Variants in DYNC1H1 observed in about 807,000 individuals in gnomAD.
DYNC1H1 encodes the protein cytoplasmic dynein 1 heavy chain 1.
In DYNC1H1, 51 loss-of-function variants were observed where a neutral mutation model predicts 527.1. The observed-to-expected ratio is 0.10, with a 90% CI of 0.08 to 0.12. DYNC1H1 has a LOEUF of 0.12. Ranked by LOEUF, DYNC1H1 falls within the 10% of genes least tolerant of loss-of-function variation. The pLI is 1.00. For missense variants in DYNC1H1, 2,771 were observed against 5,971.8 expected (o/e 0.46, Z 17.66); for synonymous variants, 2,189 against 2,278.8 (o/e 0.96, Z 1.12).
Position 102,048,611 on chromosome 14 carries a change from C to G in DYNC1H1, c.13314C>G (p.Cys4438Trp), listed in dbSNP as rs750291750. The G allele has an allele frequency of 6.2e-7, 1 of 1,614,110 alleles. No homozygotes were observed. The change falls in exon 74 of 78, where the codon TGC (cysteine) becomes TGG (tryptophan). Residue 4438 changes from cysteine to tryptophan, a missense_variant. Cys to Trp is a radical substitution (Grantham distance 215, BLOSUM62 -2). Around this residue, in one of 32 missense-constraint regions of DYNC1H1, gnomAD observed 170 missense variants for 249.8 expected, o/e 0.68. Coordinates refer to ENST00000360184, the MANE Select transcript of DYNC1H1 (RefSeq NM_001376.5). Reference sequence around the variant, plus strand: ...ACCTTGCAGATGTCGTCCAGGTGTGCGAAGGAAAGAAGAAGCAGACCAACT... The same window carrying G: ...ACCTTGCAGATGTCGTCCAGGTGTGGGAAGGAAAGAAGAAGCAGACCAACT... The part of the protein sequence containing the change: ...RQDLADVVQV[C>W]EGKKKQTNYL...
At position 102,005,557 on chromosome 14, in the gene DYNC1H1, G is replaced by A. The variant is rs918001947; in HGVS notation, c.5433+321G>A. 1.2e-4 allele frequency among the ~76,000 whole-genome samples: 19 copies of A among 152,212 alleles called. No individual in the cohort carries two copies. The highest frequency in any genetic ancestry group is 4.6e-4 in the African/African-American group (19 of 41,450). On this transcript the variant is annotated intron_variant, in intron 26 of 77. Transcript: ENST00000360184. This position sits in a 1 kb window ranked among gnomAD's most constrained non-coding sequence, Gnocchi z 4.0. ...GCACGGCACGGGCAGTGCTTGCTGCGAGCCCCATGGCGGCACGTGGCAGAC... is the reference window on the plus strand; with the variant it reads ...GCACGGCACGGGCAGTGCTTGCTGCAAGCCCCATGGCGGCACGTGGCAGAC...
rs2047892773 is a variant in DYNC1H1 at position 101,983,606 on chromosome 14, A to G, written c.1458A>G (p.Pro486=). 6.2e-7 allele frequency: 1 copy of G among 1,613,918 alleles called. No homozygotes were observed. Among genetic ancestry groups the G allele is most frequent in the Non-Finnish European group, 8.5e-7 (1 of 1,179,914 alleles). ...LRAVIVRVLR[P]QVTAVAQQNQ... ...CTGTTATCGTCAGGGTCCTGAGGCCACAGGTAAGATTTGCATTCTAAAAGT... is the reference window on the plus strand; with the variant it reads ...CTGTTATCGTCAGGGTCCTGAGGCCGCAGGTAAGATTTGCATTCTAAAAGT... Residue 486 remains proline (P), a synonymous_variant, in exon 7 of 78, where the codon CCA becomes CCG. Transcript: ENST00000360184. The surrounding 1 kb of genome is among the most constrained non-coding windows in gnomAD (Gnocchi z 5.3).
intron 15 of DYNC1H1, 137 bp from the exon 16 acceptor site, chr14:101,996,898 C>T (rs931060164): frequency 1.1e-5 from 14 of 1,285,580 alleles, no homozygotes; most frequent in Admixed American, 4.6e-5. Context: ...GCTGGGATTA[C>T]AGGCAAGAAC....
In DYNC1H1 at chr14:101,973,568, G is replaced by A. The variant is rs1402113916; in HGVS notation, c.257-2144G>A. On this transcript the variant is annotated intron_variant, in intron 1 of 77. Transcript: ENST00000360184. ...TGACTCATGCCTGTAGTGCCAGGCC[G>A]AGGCATGAGGATCTCTTGAGCCCCA... Among the ~76,000 whole-genome samples the A allele has an allele frequency of 3.9e-5, 6 of 152,238 alleles. No individual in the cohort carries two copies. In the Middle Eastern group the frequency reaches 0.017, roughly 432 times the overall value.
chr14:102,007,314 A>G (rs779097846), intron 28 of DYNC1H1, among the ~76,000 whole-genome samples: 3 of 152,176 alleles, frequency 2.0e-5, no homozygotes, highest in Non-Finnish European at 4.4e-5. Context: ...CTTCAGTTTC[A>G]TGTTTTCAAA....
At position 102,010,318 on chromosome 14, in the gene DYNC1H1, C is replaced by T. The variant is rs778348555; in HGVS notation, c.6264C>T (p.Phe2088=). 1.2e-5 allele frequency: 19 copies of T among 1,613,824 alleles called. No homozygotes were observed. The highest frequency in any genetic ancestry group is 6.7e-5 in the Admixed American group (4 of 59,980). The change falls in exon 31 of 78, where the codon TTC becomes TTT. Residue 2088 remains phenylalanine, a synonymous_variant. Coordinates refer to ENST00000360184, the MANE Select transcript of DYNC1H1 (RefSeq NM_001376.5). The surrounding 1 kb of genome is among the most constrained non-coding windows in gnomAD (Gnocchi z 6.0). ...EQLSSQSHYD[F]GLRALKSVLV... is the part of the protein sequence containing the mutation. ...TCTCTTCCCAAAGCCATTATGACTT[C>T]GGTCTTCGGGCTTTGAAGAGTGTGC...
In DYNC1H1 at chr14:101,983,171, T is replaced by C; in HGVS notation, c.1114T>C (p.Tyr372His). 6.2e-7 allele frequency: 1 copy of C among 1,614,122 alleles called. No homozygotes were observed. Among genetic ancestry groups the C allele is most frequent in the Non-Finnish European group, 8.5e-7 (1 of 1,180,016 alleles). Residue 372 changes from tyrosine (Y) to histidine (H), a missense_variant, in exon 6 of 78, where the codon TAT becomes CAT. By Grantham distance (83) the Tyr-to-His change is moderately conservative. Coordinates refer to ENST00000360184, the MANE Select transcript of DYNC1H1 (RefSeq NM_001376.5). The surrounding 1 kb of genome is among the most constrained non-coding windows in gnomAD (Gnocchi z 5.3). ...THLRKIRNTK[Y>H]PIQRALRLVE... Reference sequence around the variant, plus strand: ...TTTGAGAAAGATCCGAAACACAAAATATCCTATTCAGAGGGCACTGCGTTT... The same window carrying C: ...TTTGAGAAAGATCCGAAACACAAAACATCCTATTCAGAGGGCACTGCGTTT...
chr14:102,033,941 T>C lies in DYNC1H1; in HGVS notation c.10414-35T>C. ...GATTCGGTATAAATCCTGAAAGGCC[T>C]CATCCCTGAGCATCTTGTTCGGTTT... On this transcript the variant is annotated intron_variant, in intron 54 of 77. Transcript: ENST00000360184. The surrounding 1 kb of genome is among the most constrained non-coding windows in gnomAD (Gnocchi z 5.6). The C allele has an allele frequency of 6.2e-7, 1 of 1,610,038 alleles. No individual in the cohort carries two copies. The highest frequency in any genetic ancestry group is 8.5e-7 in the Non-Finnish European group (1 of 1,177,350).
intron 1 of DYNC1H1, among the ~76,000 whole-genome samples, chr14:101,966,881 G>T (rs2047674083): frequency 6.6e-6 from 1 of 152,104 alleles, no homozygotes; most frequent in African/African-American, 2.4e-5. Flanking sequence ...TCTCTCTGTT[G>T]TCTTATGAGT....
chr14:101,996,810 A>G (rs1351497549), intron 15 of DYNC1H1, among the ~76,000 whole-genome samples: 1 of 151,784 alleles, frequency 6.6e-6, no homozygotes, highest in Non-Finnish European at 1.5e-5. Flanking sequence ...TTAAGTAGAG[A>G]TGAAGTCCTG....
In DYNC1H1 at chr14:101,997,946, C is replaced by T. The variant is rs558957706; in HGVS notation, c.3804+672C>T. 2.6e-5 allele frequency among the ~76,000 whole-genome samples: 4 copies of T among 152,300 alleles called. No individual in the cohort carries two copies. The South Asian group carries it at 8.3e-4, about 32-fold the overall frequency. ...AGAAGCAGATGAGAGGGCGCTGGCTCAGTGGCTACTGCTGTGCCTGGGAGG... is the reference window on the plus strand; with the variant it reads ...AGAAGCAGATGAGAGGGCGCTGGCTTAGTGGCTACTGCTGTGCCTGGGAGG... On this transcript the variant is annotated intron_variant, in intron 16 of 77. Coordinates refer to ENST00000360184, the MANE Select transcript of DYNC1H1 (RefSeq NM_001376.5). This position sits in a 1 kb window ranked among gnomAD's most constrained non-coding sequence, Gnocchi z 4.8.
Position 102,049,127 on chromosome 14 carries a change from G to A in DYNC1H1, c.13373-313G>A, listed in dbSNP as rs1300397775. 2.2e-5 allele frequency: 10 copies of A among 462,018 alleles called. No homozygotes were observed. Among genetic ancestry groups the A allele is most frequent in the South Asian group, 6.2e-5 (3 of 48,386 alleles). 28.6% of individuals were successfully genotyped at this position (462,018 alleles called of 1,614,324 possible). ...AAGCCCTAATTGCCAGGAACACTGA[G>A]CCACTTGTGTGACATGAGGTTTTAG... On this transcript the variant is annotated intron_variant, in intron 74 of 77. Coordinates refer to ENST00000360184, the MANE Select transcript of DYNC1H1 (RefSeq NM_001376.5). The surrounding 1 kb of genome is among the most constrained non-coding windows in gnomAD (Gnocchi z 5.5).
rs1220348087 is a variant in DYNC1H1 at position 101,979,024 on chromosome 14, CATT to C, written c.345-293_345-291del. 6.6e-6 allele frequency among the ~76,000 whole-genome samples: 1 copy of C among 152,192 alleles called. No homozygotes were observed. Among genetic ancestry groups the C allele is most frequent in the African/African-American group, 2.4e-5 (1 of 41,446 alleles). On this transcript the variant is annotated intron_variant, in intron 2 of 77. Transcript: ENST00000360184. The surrounding 1 kb of genome is among the most constrained non-coding windows in gnomAD (Gnocchi z 4.6). ...CTTAGTACAGTAAATAAATGTTACA[CATT>C]AGTGTAAGATCAGATTTAAGTACTA...
intron 2 of DYNC1H1, 109 bp downstream of exon 2, chr14:101,975,908 AT>A: frequency 2.1e-6 from 2 of 939,812 alleles, no homozygotes; most frequent in Non-Finnish European, 3.2e-6. Context: ...ATTAATATAA[AT>A]CTTTTTTTTT....
chr14:102,022,577 C>T (rs993428894), intron 42 of DYNC1H1, among the ~76,000 whole-genome samples, 174 bp from the exon 43 acceptor site: 2 of 152,008 alleles, frequency 1.3e-5, no homozygotes, highest in African/African-American at 4.8e-5. Context: ...TTCAGGTTGC[C>T]TAAGCTGTCA....
At chr14:102,047,587 G>GTATA (rs138644560) in intron 72 of DYNC1H1, 46 of 323,632 alleles carry the variant, frequency 1.4e-4, no homozygotes, top group African/African-American at 7.9e-4. Flanking sequence ...ATACACATAC[G>GTATA]TATATATATA....
rs1197528159 is a variant in DYNC1H1 at position 102,044,785 on chromosome 14, G to A, written c.13006+87G>A. On this transcript the variant is annotated intron_variant, in intron 72 of 77. Transcript: ENST00000360184. The surrounding 1 kb of genome is among the most constrained non-coding windows in gnomAD (Gnocchi z 7.1). ...GGGTGGCGAGGGTCCCCACACGCAG[G>A]GTGAGTGTGCACTGCTGTCCCAGGG... is the stretch of plus-strand genomic sequence containing the variant. 1 of 1,474,854 alleles carries A rather than the reference G, an allele frequency of 6.8e-7. No homozygotes were observed. The highest frequency in any genetic ancestry group is 9.4e-7 in the Non-Finnish European group (1 of 1,063,200). The allele number at this position is 1,474,854 out of a possible 1,614,324, so 91.4% of individuals were successfully genotyped here. A position where few individuals can be genotyped will look rare whatever the true frequency, so the allele number is the denominator to read the frequency against.
In DYNC1H1 at chr14:101,985,424, A is replaced by G. The variant is rs1012712400; in HGVS notation, c.1462-263A>G. Among the ~76,000 whole-genome samples the G allele has an allele frequency of 6.6e-6, 1 of 152,026 alleles. No homozygotes were observed. The highest frequency in any genetic ancestry group is 2.4e-5 in the African/African-American group (1 of 41,374). On this transcript the variant is annotated intron_variant, in intron 7 of 77. Transcript: ENST00000360184. This position sits in a 1 kb window ranked among gnomAD's most constrained non-coding sequence, Gnocchi z 5.9. ...ACTGCAACCTCTGCCTCCCGGGTTC[A>G]AGCGATTCTCCTGTCTCAACTTCCC... is the stretch of plus-strand genomic sequence containing the variant.
chr14:101,996,057 CTA>C (rs1239691223), intron 15 of DYNC1H1, among the ~76,000 whole-genome samples: 1 of 151,908 alleles, frequency 6.6e-6, no homozygotes, highest in African/African-American at 2.4e-5. Flanking sequence ...GAGCAAGACT[CTA>C]TCTCAAAAAA....
Sources: allele counts gnomAD v4.1 joint callset (sites outside exome capture counted in the v4.1 genomes callset), GRCh38; gene constraint gnomAD v4.1.1; regional missense constraint gnomAD v4.1.1; non-coding constraint Gnocchi (gnomAD v3.1); transcripts MANE v1.5; gene names NCBI Gene and HGNC (gene_info 2026-07-23, HGNC 2026-07-21).